NIPSNAP3B: variants seen among roughly 807,000 people sequenced by gnomAD.
The protein encoded by NIPSNAP3B is nipsnap homolog 3B.
In NIPSNAP3B, 30 loss-of-function variants were observed where a neutral mutation model predicts 31.5. The observed-to-expected ratio is 0.95, with a 90% CI of 0.71 to 1.29. The LOEUF (loss-of-function observed/expected upper bound fraction) is 1.29, where lower values mean the gene tolerates loss of function less well. Among genes scored for constraint, NIPSNAP3B ranks in the 50% most tolerant of loss-of-function variants. The probability of loss-of-function intolerance (pLI) is 0.00; values close to 1 mark genes in which losing one functional copy is unlikely to be tolerated. For missense variants in NIPSNAP3B, 269 were observed against 300.7 expected, an observed-to-expected ratio of 0.89 and a Z score of 0.78; for synonymous variants, 106 against 107.9, an observed-to-expected ratio of 0.98 and a Z score of 0.11.
chr9:104,780,181 A>ACAT (rs1163463356), downstream of NIPSNAP3B, among the ~76,000 whole-genome samples: 1 of 152,176 alleles, frequency 6.6e-6, no homozygotes, highest in Non-Finnish European at 1.5e-5. Context: ...AGTCACTATA[A>ACAT]CATGAACTTC....
the NIPSNAP3B span, among the ~76,000 whole-genome samples, chr9:104,789,012 G>C: frequency 1.3e-5 from 2 of 152,328 alleles, no homozygotes; most frequent in Middle Eastern, 3.4e-3. Flanking sequence ...AATTTATGTG[G>C]TGGTGGGGTG....
intron 3 of NIPSNAP3B, among the ~76,000 whole-genome samples, chr9:104,769,230 A>AC (rs1828155787): frequency 6.6e-6 from 1 of 152,072 alleles, no homozygotes; most frequent in South Asian, 2.1e-4. Flanking sequence ...GAGGCGGGCG[A>AC]ATCACTTGAG....
Position 104,775,835 on chromosome 9 carries a change from T to C in NIPSNAP3B, c.*2762T>C, listed in dbSNP as rs934827939. On this transcript the variant is annotated 3_prime_UTR_variant, in exon 6 of 6. Transcript: ENST00000374762. ...AGAGTCATTCTCACACTGCCTTTTC[T>C]CTCATACACCATTATGTACCTGTCA... 2.0e-5 allele frequency among the ~76,000 whole-genome samples: 3 copies of C among 152,172 alleles called. No individual in the cohort carries two copies. The highest frequency in any genetic ancestry group is 7.2e-5 in the African/African-American group (3 of 41,442).
intron 3 of NIPSNAP3B, among the ~76,000 whole-genome samples, chr9:104,770,564 A>G (rs1351403504): frequency 6.6e-6 from 1 of 152,214 alleles, no homozygotes; most frequent in Non-Finnish European, 1.5e-5. Context: ...CAAATTTTAT[A>G]GATTAAAAAT....
chr9:104,788,329 G>A, the NIPSNAP3B span: 1 of 1,570,504 alleles, frequency 6.4e-7, no homozygotes, highest in African/African-American at 1.3e-5. Flanking sequence ...CATTCATGAG[G>A]AAAAACAGCC....
At chr9:104,771,550 G>A (rs993954004) in intron 4 of NIPSNAP3B, among the ~76,000 whole-genome samples, 15 of 152,024 alleles carry the variant, frequency 9.9e-5, no homozygotes, top group Non-Finnish European at 2.1e-4. Context: ...TTATAATCTG[G>A]TTCTTTTTTA....
chr9:104,788,093 G>C, the NIPSNAP3B span: 1 of 1,604,192 alleles, frequency 6.2e-7, no homozygotes, highest in South Asian at 1.1e-5. Flanking sequence ...GGTCTGGCTT[G>C]GGAATTTTAT....
Position 104,764,293 on chromosome 9 carries a change from C to T in NIPSNAP3B, c.53C>T (p.Ala18Val). 1 of 1,586,978 alleles carries T rather than the reference C, an allele frequency of 6.3e-7. No individual in the cohort carries two copies. Among genetic ancestry groups the T allele is most frequent in the Non-Finnish European group, 8.6e-7 (1 of 1,169,070 alleles). ...AAGGCGCTTGCCTCACGGACGCTCG[C>T]GCCTCAGGTACTGGCCGCGGGGGCG... ...LTKALASRTLAPQVCSSFATG... is the reference protein window; with the variant it reads ...LTKALASRTLVPQVCSSFATG... Residue 18 changes from alanine to valine, a missense_variant, in exon 1 of 6, where the codon GCG (alanine) becomes GTG (valine). By Grantham distance (64) the Ala-to-Val change is moderately conservative (BLOSUM62 0). Coordinates refer to ENST00000374762, the MANE Select transcript of NIPSNAP3B (RefSeq NM_018376.4).
In NIPSNAP3B at chr9:104,774,942, A is replaced by G. The variant is rs1348490062; in HGVS notation, c.*1869A>G. On this transcript the variant is annotated 3_prime_UTR_variant, in exon 6 of 6. Transcript: ENST00000374762. ...TTTCCTTTTACTTAACAGAGAAAAT[A>G]ACAATCAGAAGAGTCTTCATAAGTT... 6.6e-6 allele frequency among the ~76,000 whole-genome samples: 1 copy of G among 152,096 alleles called. No individual in the cohort carries two copies. Among genetic ancestry groups the G allele is most frequent in the Non-Finnish European group, 1.5e-5 (1 of 68,030 alleles).
intron 2 of NIPSNAP3B, among the ~76,000 whole-genome samples, chr9:104,768,436 C>A (rs1231195984): frequency 1.3e-5 from 2 of 152,154 alleles, no homozygotes; most frequent in Non-Finnish European, 2.9e-5. Flanking sequence ...TGATAAGAAT[C>A]GTTAACATAT....
chr9:104,786,289 CT>C, the NIPSNAP3B span: 1 of 1,608,470 alleles, frequency 6.2e-7, no homozygotes, highest in Non-Finnish European at 8.5e-7. Context: ...AAGAAATTAT[CT>C]TTATTACCTA....
intron 4 of NIPSNAP3B, chr9:104,771,376 A>G (rs923338081): frequency 6.4e-6 from 1 of 157,296 alleles, no homozygotes; most frequent in Non-Finnish European, 1.4e-5. Context: ...CCCATCTTCC[A>G]TTCTCAAGTA....
intron 1 of NIPSNAP3B, 97 bp downstream of exon 1, chr9:104,764,397 G>A: frequency 9.0e-7 from 1 of 1,114,256 alleles, no homozygotes; most frequent in East Asian, 2.9e-5. Flanking sequence ...GGCGCTCCCA[G>A]ACCTGGGGCC....
Position 104,766,475 on chromosome 9 carries a change from G to A in NIPSNAP3B, c.211G>A (p.Gly71Arg), listed in dbSNP as rs750979916. ...HLRTSYSELV[G>R]FWSVEFGGRT... ...TCGGACCTCTTACTCTGAATTGGTT[G>A]GATTCTGGAGTGTAGAATTTGGAGG... Residue 71 changes from glycine to arginine, a missense_variant, in exon 2 of 6, where the codon GGA becomes AGA. Transcript: ENST00000374762. 6.2e-7 allele frequency: 1 copy of A among 1,613,696 alleles called. No homozygotes were observed. The highest frequency in any genetic ancestry group is 1.1e-5 in the South Asian group (1 of 91,060).
At chr9:104,770,768 C>G in intron 3 of NIPSNAP3B, 81 bp from the exon 4 acceptor site, 1 of 1,225,236 alleles carries the variant, frequency 8.2e-7, no homozygotes, top group Non-Finnish European at 1.2e-6. Flanking sequence ...CATTGGTTAG[C>G]CTTCTAATGA....
intron 2 of NIPSNAP3B, among the ~76,000 whole-genome samples, chr9:104,767,076 CTTA>C (rs1401327312): frequency 7.3e-6 from 1 of 137,242 alleles, no homozygotes; most frequent in Non-Finnish European, 1.6e-5. Context: ...TTTTTTTTTT[CTTA>C]TTATTGTTAC....
At chr9:104,767,631 A>G (rs1432617036) in intron 2 of NIPSNAP3B, among the ~76,000 whole-genome samples, 1 of 152,154 alleles carries the variant, frequency 6.6e-6, no homozygotes, top group East Asian at 1.9e-4. Context: ...ACAAGTTGAA[A>G]CATGTCCCAT....
chr9:104,770,789 A>G (rs1828197658), intron 3 of NIPSNAP3B, 60 bp from the exon 4 acceptor site: 1 of 1,503,566 alleles, frequency 6.7e-7, no homozygotes, highest in Non-Finnish European at 9.2e-7. Flanking sequence ...AATCAGGAAA[A>G]CCTGGTTAGA....
the NIPSNAP3B span, chr9:104,790,882 A>C: frequency 1.5e-6 from 2 of 1,354,528 alleles, no homozygotes; most frequent in Non-Finnish European, 1.1e-6. Context: ...AATTAAAAAC[A>C]AAGTCTTTGC....
Sources: gnomAD v4.1 joint callset for allele counts (sites outside exome capture counted in the v4.1 genomes callset) on GRCh38, gnomAD v4.1.1 for gene constraint, MANE v1.5 for transcripts, NCBI Gene and HGNC (gene_info 2026-07-23, HGNC 2026-07-21) for gene names.